ACACA: variants seen among roughly 807,000 people sequenced by gnomAD.
ACACA encodes the protein acetyl-CoA carboxylase 1.
A neutral mutation model predicts 296.1 loss-of-function variants in ACACA; 103 were observed. The ratio of observed to expected loss-of-function variants is 0.35; its 90% CI spans 0.30 to 0.41. The LOEUF (loss-of-function observed/expected upper bound fraction) is 0.41. Ranked by LOEUF, ACACA falls within the 10% of genes least tolerant of loss-of-function variation. ACACA has a pLI of 1.00. For synonymous variants in ACACA, 953 were observed against 1,038.6 expected (o/e 0.92, Z 1.58); for missense variants, 1,554 against 2,989.7 (o/e 0.52, Z 11.20).
intron 41 of ACACA, among the ~76,000 whole-genome samples, chr17:37,166,687 T>C (rs2076680863): frequency 6.6e-6 from 1 of 152,200 alleles, no homozygotes; most frequent in African/African-American, 2.4e-5. Flanking sequence ...TTGGTTCAAA[T>C]CTCAGTTTTA....
chr17:37,261,147 T>C (rs1409540706), intron 11 of ACACA, among the ~76,000 whole-genome samples: 2 of 152,070 alleles, frequency 1.3e-5, no homozygotes, highest in Non-Finnish European at 2.9e-5. Flanking sequence ...AACTAAACCT[T>C]AAAAAAGATG....
chr17:37,221,942 TG>T, intron 28 of ACACA, 100 bp from the exon 29 acceptor site: 3 of 1,011,500 alleles, frequency 3.0e-6, no homozygotes, highest in Non-Finnish European at 4.6e-6. Context: ...AGGCAGAAGG[TG>T]CTCTGTGGGG....
chr17:37,276,276 T>C (rs1031165896), intron 7 of ACACA, among the ~76,000 whole-genome samples: 4 of 152,198 alleles, frequency 2.6e-5, no homozygotes, highest in Non-Finnish European at 5.9e-5. Flanking sequence ...GAGCTCAATA[T>C]ATATAAATGT....
chr17:37,093,104 G>T (rs1359297584), intron 54 of ACACA, among the ~76,000 whole-genome samples: 1 of 152,180 alleles, frequency 6.6e-6, no homozygotes, highest in Non-Finnish European at 1.5e-5. Flanking sequence ...CCCTGTGTGA[G>T]AAGTTTGGTG....
intron 42 of ACACA, among the ~76,000 whole-genome samples, chr17:37,156,908 C>T (rs1168380458): frequency 6.6e-6 from 1 of 152,220 alleles, no homozygotes; most frequent in African/African-American, 2.4e-5. Context: ...GAATGCCTGA[C>T]AGCACTGAGT....
chr17:37,295,160 G>C (rs1357939216), intron 3 of ACACA, among the ~76,000 whole-genome samples: 3 of 152,166 alleles, frequency 2.0e-5, no homozygotes, highest in Non-Finnish European at 4.4e-5. Context: ...CCACACGTAG[G>C]GATCAGGGAC....
chr17:37,125,839 C>G (rs2074756269), intron 47 of ACACA, 45 bp from the exon 48 acceptor site: 2 of 1,523,874 alleles, frequency 1.3e-6, no homozygotes, highest in South Asian at 1.1e-5. Flanking sequence ...GACAGTGAAT[C>G]CATTGACAAT....
chr17:37,207,908 G>C lies in ACACA; in HGVS notation c.3708-108C>G, dbSNP rs928385185. 5.2e-4 allele frequency: 701 copies of C among 1,359,338 alleles called. 6 individuals are homozygous for C. The highest frequency in any genetic ancestry group is 8.1e-4 in the Middle Eastern group (4 of 4,964). 84.2% of individuals were successfully genotyped at this position (1,359,338 alleles called of 1,614,324 possible). A position where few individuals can be genotyped will look rare whatever the true frequency, so the allele number is the denominator to read the frequency against. On this transcript the variant is annotated intron_variant, in intron 30 of 55. Transcript: ENST00000616317. The stretch of plus-strand genomic sequence containing the variant: ...GGAGAAAACTCTGAAGTAGGGTCAG[G>C]TTGCAGAGCAGATTTGGTTTTTTTA...
chr17:37,300,243 A>C (rs930268575), intron 3 of ACACA, among the ~76,000 whole-genome samples: 2 of 152,226 alleles, frequency 1.3e-5, no homozygotes, highest in African/African-American at 4.8e-5. Flanking sequence ...ACTTACTGAG[A>C]CACATATATT....
intron 24 of ACACA, among the ~76,000 whole-genome samples, chr17:37,240,192 A>G (rs1242177851): frequency 1.3e-5 from 2 of 152,220 alleles, no homozygotes; most frequent in Non-Finnish European, 2.9e-5. Flanking sequence ...GGTCAAAAAG[A>G]TATCAACAGG....
intron 25 of ACACA, among the ~76,000 whole-genome samples, chr17:37,232,154 G>A (rs553647960): frequency 2.0e-5 from 3 of 152,210 alleles, no homozygotes; most frequent in East Asian, 3.9e-4. Flanking sequence ...CTAGAGCAAC[G>A]CATATCCCAT....
At chr17:37,200,329 T>A in intron 34 of ACACA, 98 bp downstream of exon 34, 1 of 1,388,854 alleles carries the variant, frequency 7.2e-7, no homozygotes, top group African/African-American at 1.4e-5. Context: ...TTTCTCTGCA[T>A]AAATCCTATT....
At chr17:37,104,562 TG>T (rs2073555008) in intron 52 of ACACA, among the ~76,000 whole-genome samples, 2 of 152,148 alleles carry the variant, frequency 1.3e-5, no homozygotes, top group Non-Finnish European at 2.9e-5. Flanking sequence ...CAAATTGACT[TG>T]AAAGTATCCG....
intron 47 of ACACA, among the ~76,000 whole-genome samples, chr17:37,126,179 C>A (rs2074776365): frequency 2.0e-5 from 3 of 152,156 alleles, no homozygotes. Flanking sequence ...TATTTTAAAA[C>A]TTGCCTTACA....
intron 3 of ACACA, chr17:37,328,864 C>A (rs980979928): frequency 5.0e-6 from 2 of 398,420 alleles, no homozygotes; most frequent in Non-Finnish European, 8.8e-6. Context: ...CAGTTCCACA[C>A]CAAGCCAGTA....
rs147856804 is a variant in ACACA, at chr17:37,366,150, C to T, written c.39-26300G>A. On this transcript the variant is annotated intron_variant, in intron 1 of 55. Coordinates refer to ENST00000616317, the MANE Select transcript of ACACA (RefSeq NM_198834.3). The stretch of plus-strand genomic sequence containing the variant: ...ACTTCACTTTCCTCTAAAGCCATGA[C>T]GGTGCTCCTGGTAAGTTGATTTCCT... 5.3e-5 allele frequency among the ~76,000 whole-genome samples: 8 copies of T among 152,238 alleles called. No homozygotes were observed. The East Asian group carries it at 1.2e-3, about 22-fold the overall frequency.
intron 2 of ACACA, among the ~76,000 whole-genome samples, chr17:37,338,210 GAGCGAGACTCC>G (rs1182570108): frequency 6.9e-6 from 1 of 145,644 alleles, no homozygotes; most frequent in African/African-American, 2.6e-5. Flanking sequence ...CCTGGTGACA[GAGCGAGACTCC>G]GTCTCAAAAA....
chr17:37,144,278 T>C (rs1158316228), intron 45 of ACACA: 8 of 628,556 alleles, frequency 1.3e-5, no homozygotes, highest in Admixed American at 2.1e-5. Context: ...CTTCTTAGGA[T>C]CTCCTTTGCC....
intron 25 of ACACA, among the ~76,000 whole-genome samples, chr17:37,230,387 A>AAAAT (rs200006134): frequency 0.019 from 2,800 of 144,372 alleles, 34 homozygotes; most frequent in East Asian, 0.045. Context: ...TCCATCTCAA[A>AAAAT]AAATAAATAA....
Sources: gnomAD v4.1 joint callset for allele counts (sites outside exome capture counted in the v4.1 genomes callset) on GRCh38, gnomAD v4.1.1 for gene constraint, MANE v1.5 for transcripts, NCBI Gene and HGNC (gene_info 2026-07-23, HGNC 2026-07-21) for gene names.